SRPX: variants seen among roughly 807,000 people sequenced by gnomAD.
SRPX encodes sushi repeat containing protein X-linked.
SRPX carries 24 observed loss-of-function variants against 38.1 expected under a neutral mutation model. The observed-to-expected ratio is 0.63, with a 90% confidence interval of 0.46 to 0.89. The LOEUF (loss-of-function observed/expected upper bound fraction) is 0.89. SRPX is among the 40% of genes least tolerant of loss of function. SRPX has a pLI of 0.00. For missense variants in SRPX, 416 were observed against 377.8 expected, an observed-to-expected ratio of 1.10 and a Z score of -0.84; for synonymous variants, 184 against 153.8, an observed-to-expected ratio of 1.20 and a Z score of -1.45.
intron 1 of SRPX, among the ~76,000 whole-genome samples, chrX:38,180,170 T>TACACACATAC (rs1938641383): frequency 9.0e-6 from 1 of 111,376 alleles, no homozygotes; most frequent in South Asian, 3.8e-4. Flanking sequence ...AACACACATA[T>TACACACATAC]ACACACATAC....
At chrX:38,209,086 C>A (rs1379464498) in intron 1 of SRPX, among the ~76,000 whole-genome samples, 2 of 108,937 alleles carry the variant, frequency 1.8e-5, no homozygotes, top group East Asian at 5.7e-4. Context: ...TCAGAGGATA[C>A]TTTCAGCTCA....
intron 1 of SRPX, among the ~76,000 whole-genome samples, chrX:38,194,087 G>A (rs905147103): frequency 9.0e-6 from 1 of 110,933 alleles, no homozygotes; most frequent in Admixed American, 9.6e-5. Flanking sequence ...AGTTTTAGAG[G>A]AGACTGCCTA....
At chrX:38,195,046 T>C (rs558033310) in intron 1 of SRPX, among the ~76,000 whole-genome samples, 2 of 109,188 alleles carry the variant, frequency 1.8e-5, no homozygotes, top group Admixed American at 2.0e-4. Context: ...CTAATTTTTG[T>C]ATTTTTAGTA....
chrX:38,161,153 G>A (rs1938250180), intron 5 of SRPX, 99 bp from the exon 6 acceptor site: 1 of 953,389 alleles, frequency 1.0e-6, no homozygotes, highest in Non-Finnish European at 1.4e-6. Flanking sequence ...AGACTGAGGG[G>A]CAACCATTAG....
At chrX:38,206,923 G>C (rs1226096995) in intron 1 of SRPX, among the ~76,000 whole-genome samples, 1 of 112,086 alleles carries the variant, frequency 8.9e-6, no homozygotes, top group Non-Finnish European at 1.9e-5. Context: ...GCTGGTGAGA[G>C]AATGATCCCT....
intron 1 of SRPX, among the ~76,000 whole-genome samples, chrX:38,206,382 G>A (rs1035664792): frequency 1.8e-5 from 2 of 112,369 alleles, no homozygotes; most frequent in Admixed American, 1.9e-4. Context: ...GGGATCATGA[G>A]TAAATACATA....
At chrX:38,180,057 G>A (rs1044779159) in intron 1 of SRPX, among the ~76,000 whole-genome samples, 22 of 111,159 alleles carry the variant, frequency 2.0e-4, no homozygotes, top group Non-Finnish European at 2.6e-4. Context: ...TCTACCCAAG[G>A]AAACAGTTGA....
At chrX:38,219,268 G>A (rs1939470847) in intron 1 of SRPX, among the ~76,000 whole-genome samples, 1 of 110,487 alleles carries the variant, frequency 9.1e-6, no homozygotes, top group African/African-American at 3.3e-5. Flanking sequence ...AAAAGTTGAG[G>A]TTCCCAGGCA....
chrX:38,202,476 A>G (rs781562402), intron 1 of SRPX, among the ~76,000 whole-genome samples: 49 of 111,926 alleles, frequency 4.4e-4, no homozygotes, highest in Admixed American at 1.2e-3. Flanking sequence ...TTAAGAAACT[A>G]CAGAACAAAA....
intron 1 of SRPX, among the ~76,000 whole-genome samples, chrX:38,192,135 G>A (rs1006717989): frequency 8.9e-6 from 1 of 112,026 alleles, no homozygotes. Flanking sequence ...GAGGCACAGC[G>A]TGGCTTGTAA....
In SRPX at chrX:38,164,758, G is replaced by C. The variant is rs1368802083; in HGVS notation, c.653+11C>G. 1.7e-6 allele frequency: 2 copies of C among 1,206,819 alleles called. No individual in the cohort carries two copies. Among genetic ancestry groups the C allele is most frequent in the Non-Finnish European group, 2.2e-6 (2 of 894,115 alleles). ...GAGACAGCATCATTTTATCTGCCAA[G>C]TTTCACTTACTCAGTAAGAATTCCA... On this transcript the variant is annotated intron_variant, in intron 5 of 9. Coordinates refer to ENST00000378533, the MANE Select transcript of SRPX (RefSeq NM_006307.5).
chrX:38,181,397 G>T (rs1938669637), intron 1 of SRPX, among the ~76,000 whole-genome samples: 2 of 112,323 alleles, frequency 1.8e-5, no homozygotes, highest in African/African-American at 6.5e-5. Flanking sequence ...GTTGTGAAAG[G>T]GTCTACTTTT....
chrX:38,181,136 T>C (rs1490303922), intron 1 of SRPX, among the ~76,000 whole-genome samples: 5 of 112,278 alleles, frequency 4.5e-5, no homozygotes, highest in Non-Finnish European at 9.4e-5. Flanking sequence ...AACAACTGAG[T>C]TCTAAGGCCT....
At chrX:38,214,282 C>A (rs144913359) in intron 1 of SRPX, among the ~76,000 whole-genome samples, 1,682 of 111,545 alleles carry the variant, frequency 0.015, 25 homozygotes, top group African/African-American at 0.052. Flanking sequence ...CAGGCATCCT[C>A]CCAGTCTGAG....
At chrX:38,165,896 C>T (rs995462122) in intron 4 of SRPX, among the ~76,000 whole-genome samples, 1 of 111,466 alleles carries the variant, frequency 9.0e-6, no homozygotes, top group African/African-American at 3.3e-5. Flanking sequence ...AGTTCTGCCT[C>T]GATAGTGATA....
intron 3 of SRPX, among the ~76,000 whole-genome samples, chrX:38,173,708 C>A (rs1358377078): frequency 2.7e-5 from 3 of 111,869 alleles, no homozygotes; most frequent in African/African-American, 9.8e-5. Flanking sequence ...CCTCGGCCTC[C>A]CAAAGTGCTG....
chrX:38,205,051 G>A (rs948363573), intron 1 of SRPX, among the ~76,000 whole-genome samples: 1 of 111,731 alleles, frequency 9.0e-6, no homozygotes, highest in African/African-American at 3.3e-5. Context: ...TAAATGATCT[G>A]CCTCAAATTG....
intron 1 of SRPX, among the ~76,000 whole-genome samples, chrX:38,203,956 A>G (rs2147122329): frequency 8.9e-6 from 1 of 112,489 alleles, no homozygotes; most frequent in Admixed American, 9.4e-5. Flanking sequence ...CTTGCAATAA[A>G]CTATTAGAGA....
chrX:38,189,376 T>C (rs1227238828), intron 1 of SRPX, among the ~76,000 whole-genome samples: 1 of 111,950 alleles, frequency 8.9e-6, no homozygotes, highest in Non-Finnish European at 1.9e-5. Flanking sequence ...ATCTGCCTGG[T>C]CTTTCATTTC....
Sources: allele counts gnomAD v4.1 joint callset (sites outside exome capture counted in the v4.1 genomes callset), GRCh38; gene constraint gnomAD v4.1.1; transcripts MANE v1.5; gene names NCBI Gene and HGNC (gene_info 2026-07-23, HGNC 2026-07-21).